The following PTPRZ1 variants were observed in gnomAD, a reference collection of about 807,000 sequenced individuals.
PTPRZ1 encodes the protein protein tyrosine phosphatase receptor type Z1.
Under a neutral mutation model 214.1 loss-of-function variants are expected in PTPRZ1, and 82 were observed. That is an observed-to-expected ratio of 0.38 (90% CI 0.32 to 0.46). PTPRZ1 has a LOEUF of 0.46. Among genes scored for constraint, PTPRZ1 ranks in the 20% least tolerant of loss-of-function variants. PTPRZ1 has a pLI of 1.00. For synonymous variants in PTPRZ1, 945 were observed against 987.9 expected (o/e 0.96, Z 0.81); for missense variants, 2,603 against 2,748.7 (o/e 0.95, Z 1.19).
chr7:122,041,194 G>T (rs1310407215), intron 21 of PTPRZ1, among the ~76,000 whole-genome samples: 2 of 152,244 alleles, frequency 1.3e-5, no homozygotes, highest in East Asian at 3.9e-4. Context: ...CATATTTTTT[G>T]ATGTTGATTA....
intron 2 of PTPRZ1, among the ~76,000 whole-genome samples, chr7:121,948,204 C>G (rs1796443479): frequency 6.6e-6 from 1 of 152,128 alleles, no homozygotes; most frequent in South Asian, 2.1e-4. Flanking sequence ...TATCACCTGT[C>G]TGTTAACAGA....
chr7:121,948,383 A>G (rs1796451377), intron 2 of PTPRZ1, among the ~76,000 whole-genome samples: 2 of 152,184 alleles, frequency 1.3e-5, no homozygotes, highest in Non-Finnish European at 2.9e-5. Flanking sequence ...TGGGAGGCTG[A>G]GGCAGCGGGA....
chr7:121,905,713 A>G (rs1795096290), intron 1 of PTPRZ1, among the ~76,000 whole-genome samples: 1 of 144,230 alleles, frequency 6.9e-6, no homozygotes, highest in Admixed American at 7.1e-5. Flanking sequence ...GTGAAAGAAA[A>G]AGAAGGGTCT....
In PTPRZ1 at chr7:121,968,091, T is replaced by G; in HGVS notation, c.265T>G (p.Ser89Ala). The G allele has an allele frequency of 6.2e-7, 1 of 1,606,038 alleles. No individual in the cohort carries two copies. Among genetic ancestry groups the G allele is most frequent in the Non-Finnish European group, 8.5e-7 (1 of 1,177,008 alleles). ...TAAATTTCAGGGTTGGGATAAAACA[T>G]CATTGGAAAACACATTCATTCATAA... ...KLKFQGWDKT[S>A]LENTFIHNTG... Residue 89 changes from serine to alanine, a missense_variant, in exon 3 of 30, where the codon TCA becomes GCA. Physicochemically the swap from Ser to Ala is moderately conservative, Grantham distance 99. This residue lies in a region of PTPRZ1 where 141 missense variants were observed against 143.7 expected (regional missense o/e 0.98). Coordinates refer to ENST00000393386, the MANE Select transcript of PTPRZ1 (RefSeq NM_002851.3).
intron 1 of PTPRZ1, among the ~76,000 whole-genome samples, chr7:121,884,371 C>T (rs1464203656): frequency 1.3e-5 from 2 of 152,092 alleles, no homozygotes; most frequent in African/African-American, 4.8e-5. Flanking sequence ...CATATATATA[C>T]ACAAATGCAC....
chr7:121,933,668 T>C (rs1795992076), intron 2 of PTPRZ1, among the ~76,000 whole-genome samples: 1 of 152,106 alleles, frequency 6.6e-6, no homozygotes, highest in Non-Finnish European at 1.5e-5. Flanking sequence ...ATGTAGAAAA[T>C]GCTACTTATA....
intron 1 of PTPRZ1, 126 bp from the exon 2 acceptor site, chr7:121,928,030 C>A: frequency 1.4e-6 from 1 of 700,488 alleles, no homozygotes; most frequent in Non-Finnish European, 2.5e-6. Flanking sequence ...GTTGAGAGAA[C>A]ACATTGAGAA....
intron 2 of PTPRZ1, among the ~76,000 whole-genome samples, chr7:121,935,846 G>C (rs564054783): frequency 2.6e-5 from 4 of 152,252 alleles, no homozygotes; most frequent in Non-Finnish European, 4.4e-5. Flanking sequence ...GGGATTACAG[G>C]TATGAGCCAC....
intron 2 of PTPRZ1, among the ~76,000 whole-genome samples, chr7:121,963,814 T>C (rs1796954158): frequency 6.6e-6 from 1 of 152,124 alleles, no homozygotes; most frequent in Non-Finnish European, 1.5e-5. Context: ...GTCACTTCCT[T>C]GACTGCCTAT....
At chr7:121,992,851 A>G (rs1310131709) in intron 8 of PTPRZ1, among the ~76,000 whole-genome samples, 6 of 152,340 alleles carry the variant, frequency 3.9e-5, no homozygotes, top group Admixed American at 3.9e-4. Context: ...AGGAGACTAC[A>G]TTCTCATTCT....
At chr7:122,045,591 TA>T (rs767224150) in intron 23 of PTPRZ1, among the ~76,000 whole-genome samples, 2 of 151,892 alleles carry the variant, frequency 1.3e-5, no homozygotes, top group African/African-American at 2.4e-5. Context: ...AGGAATGCCT[TA>T]GGGGGGAAAA....
At chr7:122,039,281 C>G (rs1799641650) in intron 19 of PTPRZ1, among the ~76,000 whole-genome samples, 173 bp from the exon 20 acceptor site, 1 of 152,188 alleles carries the variant, frequency 6.6e-6, no homozygotes, top group Admixed American at 6.5e-5. Context: ...CTCTCAGATT[C>G]TATCCCTAGC....
Position 121,984,070 on chromosome 7 carries a change from G to C in PTPRZ1, c.881G>C (p.Arg294Thr), listed in dbSNP as rs1797698219. The C allele has an allele frequency of 6.2e-7, 1 of 1,613,594 alleles. No individual in the cohort carries two copies. The highest frequency in any genetic ancestry group is 8.5e-7 in the Non-Finnish European group (1 of 1,179,742). ...NFREQQYKFS[R>T]QVFSSYTGKE... is the part of the protein sequence containing the mutation. The stretch of plus-strand genomic sequence containing the variant: ...CGAGAGCAACAGTACAAGTTCTCTA[G>C]ACAGGTGTTTTCCTCATACACTGGA... The change falls in exon 8 of 30, where the codon AGA becomes ACA. Residue 294 changes from arginine to threonine, a missense_variant. This residue lies in a region of PTPRZ1 where 244 missense variants were observed against 333.2 expected (regional missense o/e 0.73). Coordinates refer to ENST00000393386, the MANE Select transcript of PTPRZ1 (RefSeq NM_002851.3).
At chr7:122,006,376 A>G (rs542290059) in intron 11 of PTPRZ1, among the ~76,000 whole-genome samples, 1 of 152,144 alleles carries the variant, frequency 6.6e-6, no homozygotes, top group Admixed American at 6.6e-5. Context: ...TCATTTAACC[A>G]ATCTCTGCCT....
intron 15 of PTPRZ1, among the ~76,000 whole-genome samples, chr7:122,032,253 T>G (rs1221573705): frequency 6.6e-6 from 1 of 152,192 alleles, no homozygotes; most frequent in Non-Finnish European, 1.5e-5. Flanking sequence ...GAACACCTTC[T>G]TACATGTCAG....
intron 27 of PTPRZ1, among the ~76,000 whole-genome samples, chr7:122,058,052 C>G (rs1792425884): frequency 6.6e-6 from 1 of 151,426 alleles, no homozygotes; most frequent in Admixed American, 6.6e-5. Flanking sequence ...CTTTGTTCAT[C>G]CCTCAGCCAC....
chr7:121,920,194 T>G (rs1304577979), intron 1 of PTPRZ1, among the ~76,000 whole-genome samples: 1 of 152,186 alleles, frequency 6.6e-6, no homozygotes, highest in East Asian at 1.9e-4. Context: ...CAGAACTTCC[T>G]GAGTGACCCC....
chr7:121,909,628 A>G (rs1299417383), intron 1 of PTPRZ1, among the ~76,000 whole-genome samples: 1 of 152,206 alleles, frequency 6.6e-6, no homozygotes, highest in Non-Finnish European at 1.5e-5. Context: ...ACAGTCATGA[A>G]TATTTACATA....
chr7:121,945,327 G>GT (rs1303099134), intron 2 of PTPRZ1, among the ~76,000 whole-genome samples: 1 of 152,128 alleles, frequency 6.6e-6, no homozygotes, highest in African/African-American at 2.4e-5. Context: ...TGAATATTGA[G>GT]TACAGTCATT....
Sources: gnomAD v4.1 joint callset for allele counts (sites outside exome capture counted in the v4.1 genomes callset) on GRCh38, gnomAD v4.1.1 for gene constraint, gnomAD v4.1.1 regional missense constraint, MANE v1.5 for transcripts, NCBI Gene and HGNC (gene_info 2026-07-23, HGNC 2026-07-21) for gene names.